B3GALT1: variants seen among roughly 807,000 people sequenced by gnomAD.
The protein encoded by B3GALT1 is UDP-Gal:betaGlcNAc beta 1,3-galactosyltransferase, polypeptide 1.
In B3GALT1, 10 loss-of-function variants were observed where a neutral mutation model predicts 23.2. That is an observed-to-expected ratio of 0.43 (90% CI 0.27 to 0.73). The LOEUF (loss-of-function observed/expected upper bound fraction) is 0.73. Ranked by LOEUF, B3GALT1 falls within the 30% of genes least tolerant of loss-of-function variation. B3GALT1 has a pLI of 0.21. For missense variants in B3GALT1, 299 were observed against 405.4 expected (o/e 0.74, Z 2.25); for synonymous variants, 156 against 141.5 (o/e 1.10, Z -0.73).
intron 2 of B3GALT1, among the ~76,000 whole-genome samples, chr2:167,495,476 G>A (rs1413573683): frequency 6.6e-6 from 1 of 151,944 alleles, no homozygotes; most frequent in Non-Finnish European, 1.5e-5. Flanking sequence ...TGGGATTACA[G>A]GCATGCGCCA....
chr2:167,696,296 CAAAAAAAAAA>C (rs35575073), intron 3 of B3GALT1, among the ~76,000 whole-genome samples: 2 of 91,838 alleles, frequency 2.2e-5, no homozygotes, highest in Non-Finnish European at 4.0e-5. Context: ...TGGTAAGAGG[CAAAAAAAAAA>C]AAAAAAAAAA....
chr2:167,338,850 A>G (rs1697101679), intron 1 of B3GALT1, among the ~76,000 whole-genome samples: 1 of 152,136 alleles, frequency 6.6e-6, no homozygotes, highest in Non-Finnish European at 1.5e-5. Context: ...ACATTTAATC[A>G]AGAAGTCATT....
At chr2:167,608,858 C>T (rs567022275) in intron 2 of B3GALT1, among the ~76,000 whole-genome samples, 3 of 152,096 alleles carry the variant, frequency 2.0e-5, no homozygotes, top group African/African-American at 7.2e-5. Flanking sequence ...GGTTTCTTAC[C>T]AAAAAGCCAT....
intron 3 of B3GALT1, among the ~76,000 whole-genome samples, chr2:167,699,380 A>ATT (rs1169813738): frequency 0.017 from 1,744 of 100,120 alleles, 79 homozygotes; most frequent in Admixed American, 0.066. Context: ...CATTATTTCT[A>ATT]TTTTTTTTTT....
intron 1 of B3GALT1, among the ~76,000 whole-genome samples, chr2:167,458,506 T>G (rs137933600): frequency 6.6e-6 from 1 of 152,354 alleles, no homozygotes; most frequent in East Asian, 1.9e-4. Context: ...ATAGTAATTC[T>G]ATTTTTAATT....
chr2:167,387,708 G>A (rs756391634), intron 1 of B3GALT1, among the ~76,000 whole-genome samples: 8 of 151,804 alleles, frequency 5.3e-5, no homozygotes, highest in South Asian at 2.1e-4. Flanking sequence ...GCTTATTTAC[G>A]TGCATTTAAT....
intron 1 of B3GALT1, among the ~76,000 whole-genome samples, chr2:167,369,347 G>T (rs1409887542): frequency 6.6e-6 from 1 of 152,130 alleles, no homozygotes; most frequent in Non-Finnish European, 1.5e-5. Context: ...TTTGAACAGT[G>T]TGGGGAAATC....
intron 1 of B3GALT1, among the ~76,000 whole-genome samples, chr2:167,436,692 A>G (rs927563780): frequency 2.6e-5 from 4 of 152,120 alleles, no homozygotes; most frequent in Admixed American, 6.6e-5. Flanking sequence ...TATACAGGTA[A>G]AATCCATACC....
intron 3 of B3GALT1, among the ~76,000 whole-genome samples, chr2:167,731,613 C>A (rs1424026932): frequency 6.6e-6 from 1 of 152,182 alleles, no homozygotes; most frequent in Admixed American, 6.5e-5. Context: ...CTTCAAAATG[C>A]TGGAATTCAT....
chr2:167,604,269 C>T (rs1684925573), intron 2 of B3GALT1, among the ~76,000 whole-genome samples: 1 of 152,000 alleles, frequency 6.6e-6, no homozygotes, highest in South Asian at 2.1e-4. Flanking sequence ...TCAGCTGCCC[C>T]CATGTGATTA....
intron 1 of B3GALT1, among the ~76,000 whole-genome samples, chr2:167,446,040 C>G (rs1035252066): frequency 2.0e-5 from 3 of 152,176 alleles, no homozygotes; most frequent in African/African-American, 7.2e-5. Context: ...CCTTCAGGAG[C>G]TCTTCTAAGG....
chr2:167,347,174 T>C (rs1304406654), intron 1 of B3GALT1, among the ~76,000 whole-genome samples: 1 of 152,154 alleles, frequency 6.6e-6, no homozygotes, highest in East Asian at 1.9e-4. Flanking sequence ...CACTTGAATG[T>C]TAAATTTATA....
chr2:167,561,917 G>A (rs1417167591), intron 2 of B3GALT1, among the ~76,000 whole-genome samples: 2 of 152,082 alleles, frequency 1.3e-5, no homozygotes, highest in Non-Finnish European at 2.9e-5. Context: ...AACTATTCCA[G>A]TCAGTAGAAA....
intron 1 of B3GALT1, among the ~76,000 whole-genome samples, chr2:167,452,837 AAT>A (rs2105320983): frequency 6.6e-6 from 1 of 152,300 alleles, no homozygotes; most frequent in East Asian, 1.9e-4. Flanking sequence ...TTGCTAGTTT[AAT>A]ATAACTCTGG....
chr2:167,297,612 A>T (rs4315485), intron 1 of B3GALT1, among the ~76,000 whole-genome samples: 36,718 of 151,936 alleles, frequency 0.24, 5,572 homozygotes, highest in African/African-American at 0.43. Flanking sequence ...CTATTCTTTT[A>T]TGCAAAAAAA....
intron 2 of B3GALT1, among the ~76,000 whole-genome samples, chr2:167,615,752 G>A (rs1685150844): frequency 6.6e-6 from 1 of 152,106 alleles, no homozygotes; most frequent in Non-Finnish European, 1.5e-5. Flanking sequence ...CTTATGTAGT[G>A]TTTAGCACGT....
chr2:167,507,428 C>T (rs1323264834), intron 2 of B3GALT1, among the ~76,000 whole-genome samples: 2 of 146,784 alleles, frequency 1.4e-5, no homozygotes, highest in African/African-American at 5.0e-5. Context: ...TTCACTTGAA[C>T]CAGGGAGTTG....
At chr2:167,519,776 A>T (rs1279919625) in intron 2 of B3GALT1, among the ~76,000 whole-genome samples, 1 of 152,170 alleles carries the variant, frequency 6.6e-6, no homozygotes, top group Non-Finnish European at 1.5e-5. Flanking sequence ...TTCTCTATAC[A>T]AGAAAAATAT....
chr2:167,417,970 A>T (rs1249565613), intron 1 of B3GALT1, among the ~76,000 whole-genome samples: 1 of 152,208 alleles, frequency 6.6e-6, no homozygotes, highest in Non-Finnish European at 1.5e-5. Flanking sequence ...AGTACTGTTT[A>T]CTGCGTTGCA....
Sources: allele counts gnomAD v4.1 joint callset (sites outside exome capture counted in the v4.1 genomes callset), GRCh38; gene constraint gnomAD v4.1.1; transcripts MANE v1.5; gene names NCBI Gene and HGNC (gene_info 2026-07-23, HGNC 2026-07-21).